Variants in FAM178B observed in about 807,000 individuals in gnomAD.
The protein encoded by FAM178B is protein FAM178B.
A neutral mutation model predicts 91.7 loss-of-function variants in FAM178B; 82 were observed. The ratio of observed to expected loss-of-function variants is 0.89; its 90% CI spans 0.75 to 1.07. The LOEUF (loss-of-function observed/expected upper bound fraction) is 1.07, where lower values mean the gene tolerates loss of function less well. Among genes scored for constraint, FAM178B ranks in the 50% least tolerant of loss-of-function variants. The pLI is 0.00. For missense variants in FAM178B, 769 were observed against 846.7 expected (o/e 0.91, Z 1.14); for synonymous variants, 368 against 359.4 (o/e 1.02, Z -0.27).
chr2:96,923,608 G>T, intron 9 of FAM178B, 25 bp from the exon 10 acceptor site: 1 of 1,538,076 alleles, frequency 6.5e-7, no homozygotes, highest in Middle Eastern at 1.7e-4. Flanking sequence ...CAACAGTGAC[G>T]ATGGGAAACC....
intron 8 of FAM178B, among the ~76,000 whole-genome samples, chr2:96,941,009 G>A (rs2081720118): frequency 6.6e-6 from 1 of 152,324 alleles, no homozygotes; most frequent in East Asian, 1.9e-4. Context: ...GGAAACTCTG[G>A]GAAGAGCAAT....
rs367573662 is a variant in FAM178B at position 96,915,984 on chromosome 2, C to T, written c.1562+5181G>A. 1.7e-4 allele frequency among the ~76,000 whole-genome samples: 26 copies of T among 152,226 alleles called. No individual in the cohort carries two copies. In the East Asian group the frequency reaches 2.7e-3, roughly 16 times the overall value. On this transcript the variant is annotated intron_variant, in intron 12 of 16. Coordinates refer to ENST00000490605, the MANE Select transcript of FAM178B (RefSeq NM_001122646.3). ...CACTCAGCGTATTTCATTAACTTTC[C>T]CATTTTCCTGTGACATCATTTTTAG...
rs576660433 is a variant in FAM178B, at chr2:96,903,916, G to C, written c.1563-1209C>G. On this transcript the variant is annotated intron_variant, in intron 12 of 16. Coordinates refer to ENST00000490605, the MANE Select transcript of FAM178B (RefSeq NM_001122646.3). ...AAGAGTCAAGAAAGTCAGAGGACTC[G>C]ACAAAGCAGCGGACTCTTGGATTTT... Among the ~76,000 whole-genome samples the C allele has an allele frequency of 1.1e-4, 16 of 152,240 alleles. No individual in the cohort carries two copies. The East Asian group carries it at 2.9e-3, about 28-fold the overall frequency.
rs538633807 is a variant in FAM178B, at chr2:96,883,095, C to A, written c.1777-4602G>T. Among the ~76,000 whole-genome samples, 6 of 152,314 alleles carry A rather than the reference C, an allele frequency of 3.9e-5. No individual in the cohort carries two copies. The South Asian group carries it at 1.2e-3, about 32-fold the overall frequency. ...CTACAGCCTTCAAGGGGGCCGTGCC[C>A]TCCCCCTGGGGAAGGAATGACAAGG... On this transcript the variant is annotated intron_variant, in intron 14 of 16. Transcript: ENST00000490605.
intron 12 of FAM178B, among the ~76,000 whole-genome samples, chr2:96,915,238 T>C (rs2081222706): frequency 6.6e-6 from 1 of 151,890 alleles, no homozygotes; most frequent in South Asian, 2.1e-4. Context: ...GCCTCCTGAA[T>C]AGCTGGGATT....
At chr2:96,880,647 T>G (rs2080357398) in intron 14 of FAM178B, among the ~76,000 whole-genome samples, 1 of 152,166 alleles carries the variant, frequency 6.6e-6, no homozygotes, top group African/African-American at 2.4e-5. Context: ...CAGGCTGTAG[T>G]GCAGTGGCGC....
chr2:96,945,267 G>A (rs556013218), intron 8 of FAM178B, among the ~76,000 whole-genome samples: 1 of 151,852 alleles, frequency 6.6e-6, no homozygotes, highest in East Asian at 1.9e-4. Context: ...CTCCGTTACC[G>A]CCCCACCCCC....
At position 96,905,832 on chromosome 2, in the gene FAM178B, A is replaced by ACGTATATATACGTATATATATATATGTG. The variant is rs561491615; in HGVS notation, c.1563-3126_1563-3125insCACATATATATATATACGTATATATACG. ...CATATATGTGTGTATATATATATAT[A>ACGTATATATACGTATATATATATATGTG]TATATATATATATATATATATATAT... On this transcript the variant is annotated intron_variant, in intron 12 of 16. Transcript: ENST00000490605. 7.7e-5 allele frequency among the ~76,000 whole-genome samples: 2 copies of ACGTATATATACGTATATATATATATGTG among 25,844 alleles called. 1 individual carries two copies. The highest frequency in any genetic ancestry group is 1.6e-4 in the Non-Finnish European group (2 of 12,300). The allele number at this position is 25,844 out of a possible 152,430, so 17.0% of individuals were successfully genotyped here.
chr2:96,911,676 G>A (rs954166373), intron 12 of FAM178B, among the ~76,000 whole-genome samples: 3 of 152,236 alleles, frequency 2.0e-5, no homozygotes, highest in African/African-American at 7.2e-5. Context: ...GGGATGCTCT[G>A]GCGGAAATCC....
chr2:96,966,393 C>T (rs890918734), intron 5 of FAM178B, among the ~76,000 whole-genome samples: 1 of 152,186 alleles, frequency 6.6e-6, no homozygotes, highest in African/African-American at 2.4e-5. Flanking sequence ...AGAGCCCACA[C>T]CTTTCCCAGC....
intron 14 of FAM178B, among the ~76,000 whole-genome samples, chr2:96,880,042 G>A (rs1254430923): frequency 6.6e-6 from 1 of 152,380 alleles, no homozygotes; most frequent in Admixed American, 6.5e-5. Flanking sequence ...ATGGTGACAT[G>A]AAACAAACTC....
chr2:96,986,362 G>A lies in FAM178B; in HGVS notation c.-49C>T. The A allele has an allele frequency of 2.0e-6, 3 of 1,524,726 alleles. No individual in the cohort carries two copies. Among genetic ancestry groups the A allele is most frequent in the Non-Finnish European group, 2.6e-6 (3 of 1,142,704 alleles). 94.4% of individuals were successfully genotyped at this position (1,524,726 alleles called of 1,614,324 possible). A position where few individuals can be genotyped will look rare whatever the true frequency, so the allele number is the denominator to read the frequency against. On this transcript the variant is annotated 5_prime_UTR_variant, in exon 1 of 17. Transcript: ENST00000490605. ...GGGTGAGGGAGGGTGGCGGGAATTCGCACGGCCTCAGAGGACGGGGCCAGC... is the reference window on the plus strand; with the variant it reads ...GGGTGAGGGAGGGTGGCGGGAATTCACACGGCCTCAGAGGACGGGGCCAGC...
intron 14 of FAM178B, among the ~76,000 whole-genome samples, chr2:96,885,979 T>C (rs1380576223): frequency 6.0e-5 from 9 of 150,800 alleles, no homozygotes; most frequent in Admixed American, 6.0e-4. Context: ...GACAGAGCAA[T>C]GGTTTCCCCA....
intron 14 of FAM178B, among the ~76,000 whole-genome samples, chr2:96,890,305 A>C (rs532470506): frequency 7.7e-5 from 10 of 129,164 alleles, no homozygotes; most frequent in African/African-American, 2.7e-4. Flanking sequence ...AAGCAATATA[A>C]ATAAATAAAT....
chr2:96,947,742 T>C, intron 8 of FAM178B, 76 bp downstream of exon 8: 2 of 831,718 alleles, frequency 2.4e-6, no homozygotes, highest in Non-Finnish European at 3.9e-6. Flanking sequence ...GCAGCTGGGC[T>C]CTGGGCACTG....
intron 8 of FAM178B, among the ~76,000 whole-genome samples, chr2:96,941,417 A>G (rs1268375860): frequency 1.3e-5 from 2 of 152,138 alleles, no homozygotes; most frequent in African/African-American, 4.8e-5. Flanking sequence ...AGGAAGGGAG[A>G]GATGAAGGAA....
At chr2:96,895,907 G>A (rs985188312) in intron 13 of FAM178B, among the ~76,000 whole-genome samples, 7 of 152,230 alleles carry the variant, frequency 4.6e-5, no homozygotes, top group Admixed American at 4.6e-4. Context: ...TAGGAGTCAG[G>A]CCCAGGGCCT....
chr2:96,896,193 G>A (rs2080820312), intron 13 of FAM178B, among the ~76,000 whole-genome samples: 1 of 152,192 alleles, frequency 6.6e-6, no homozygotes, highest in Non-Finnish European at 1.5e-5. Context: ...CCTGCTACGG[G>A]AGGCCTGGGT....
At chr2:96,954,166 G>A (rs1035797919) in intron 6 of FAM178B, among the ~76,000 whole-genome samples, 1 of 152,214 alleles carries the variant, frequency 6.6e-6, no homozygotes, top group Non-Finnish European at 1.5e-5. Context: ...TCCATCGGCA[G>A]CAGATACCAT....
Sources: allele counts gnomAD v4.1 joint callset (sites outside exome capture counted in the v4.1 genomes callset), GRCh38; gene constraint gnomAD v4.1.1; transcripts MANE v1.5; gene names NCBI Gene and HGNC (gene_info 2026-07-23, HGNC 2026-07-21).